Variants in THRB observed in about 807,000 individuals in gnomAD.
THRB encodes thyroid hormone receptor beta, also known as nuclear receptor subfamily 1 group A member 2.
In THRB, 12 loss-of-function variants were observed where a neutral mutation model predicts 47.8. That is an observed-to-expected ratio of 0.25 (90% CI 0.16 to 0.41). The LOEUF (loss-of-function observed/expected upper bound fraction) is 0.41, where lower values mean the gene tolerates loss of function less well. Among genes scored for constraint, THRB ranks in the 10% least tolerant of loss-of-function variants. The pLI is 1.00. For synonymous variants in THRB, 218 were observed against 212.2 expected (o/e 1.03, Z -0.24); for missense variants, 348 against 589.2 (o/e 0.59, Z 4.24).
At chr3:24,400,912 G>A (rs1326143334) in intron 1 of THRB, among the ~76,000 whole-genome samples, 3 of 151,942 alleles carry the variant, frequency 2.0e-5, no homozygotes, top group Admixed American at 6.6e-5. Context: ...GTAGTAATAA[G>A]AAAAAACAAA....
intron 1 of THRB, among the ~76,000 whole-genome samples, chr3:24,470,679 C>T (rs968968766): frequency 3.3e-5 from 5 of 152,100 alleles, no homozygotes; most frequent in African/African-American, 4.8e-5. Context: ...TGCAATGGTG[C>T]GATCTCGGCT....
At chr3:24,280,016 C>T (rs138734643) in intron 3 of THRB, among the ~76,000 whole-genome samples, 20 of 152,192 alleles carry the variant, frequency 1.3e-4, no homozygotes, top group Non-Finnish European at 2.2e-4. Flanking sequence ...TAGGGTCCAG[C>T]GCACAAAAAT....
intron 5 of THRB, among the ~76,000 whole-genome samples, chr3:24,183,368 C>CTTTTTTTTTTTTTTTTTTTTCT (rs1193344905): frequency 1.2e-5 from 1 of 84,272 alleles, no homozygotes; most frequent in African/African-American, 4.1e-5. Context: ...TTTTTCTTTT[C>CTTTTTTTTTTTTTTTTTTTTCT]TTTTTTTTTT....
intron 3 of THRB, among the ~76,000 whole-genome samples, chr3:24,253,127 G>A (rs1183368766): frequency 1.3e-5 from 2 of 152,102 alleles, no homozygotes; most frequent in South Asian, 2.1e-4. Context: ...GATAATGTAC[G>A]TTTTACAAAA....
At position 24,205,456 on chromosome 3, in the gene THRB, A is replaced by AT. The variant is rs1196770432; in HGVS notation, c.23-15123dup. 1.5e-4 allele frequency among the ~76,000 whole-genome samples: 23 copies of AT among 152,332 alleles called. No individual in the cohort carries two copies. In the Middle Eastern group the frequency reaches 0.01, roughly 68 times the overall value. Reference sequence around the variant, plus strand: ...TTTACAGAGAAGCAAATGCTGAGAGATTTTGTCACCACCAGGCCTGCCCTA... The same window carrying AT: ...TTTACAGAGAAGCAAATGCTGAGAGATTTTTGTCACCACCAGGCCTGCCCTA... On this transcript the variant is annotated intron_variant, in intron 4 of 10. Transcript: ENST00000646209.
At chr3:24,278,461 T>C (rs996196741) in intron 3 of THRB, among the ~76,000 whole-genome samples, 1 of 152,240 alleles carries the variant, frequency 6.6e-6, no homozygotes, top group Non-Finnish European at 1.5e-5. Flanking sequence ...ATTTGACCTC[T>C]AGAGCTCTGC....
At chr3:24,197,423 A>T (rs1382651715) in intron 4 of THRB, among the ~76,000 whole-genome samples, 1 of 152,168 alleles carries the variant, frequency 6.6e-6, no homozygotes, top group African/African-American at 2.4e-5. Flanking sequence ...TACCTCTTTG[A>T]ATCTCTCTCC....
chr3:24,171,392 C>T (rs758051968), intron 5 of THRB, among the ~76,000 whole-genome samples: 7 of 152,174 alleles, frequency 4.6e-5, no homozygotes, highest in Non-Finnish European at 7.4e-5. Flanking sequence ...GCAGCCCTCC[C>T]TCCAGACGCT....
At chr3:24,259,464 G>C (rs1292981444) in intron 3 of THRB, among the ~76,000 whole-genome samples, 1 of 152,174 alleles carries the variant, frequency 6.6e-6, no homozygotes, top group Admixed American at 6.5e-5. Flanking sequence ...TGTGTATGCT[G>C]CTTTGACGAG....
chr3:24,441,386 C>T (rs975596421), intron 1 of THRB, among the ~76,000 whole-genome samples: 2 of 152,144 alleles, frequency 1.3e-5, no homozygotes, highest in Non-Finnish European at 1.5e-5. Context: ...AAGGACTTAA[C>T]GTGGCTGAGG....
chr3:24,279,962 G>T (rs533541006), intron 3 of THRB, among the ~76,000 whole-genome samples: 1 of 152,244 alleles, frequency 6.6e-6, no homozygotes, highest in South Asian at 2.1e-4. Flanking sequence ...ACATTTAAAA[G>T]AATTATTCTG....
At chr3:24,477,581 TG>T (rs1362139153) in intron 1 of THRB, among the ~76,000 whole-genome samples, 12 of 152,166 alleles carry the variant, frequency 7.9e-5, no homozygotes, top group Admixed American at 7.9e-4. Flanking sequence ...AACGAGGATA[TG>T]GAAGTCAGTC....
At chr3:24,186,995 A>G (rs921889645) in intron 5 of THRB, among the ~76,000 whole-genome samples, 12 of 152,046 alleles carry the variant, frequency 7.9e-5, no homozygotes, top group South Asian at 2.1e-4. Flanking sequence ...ATGAAAAACA[A>G]AACCTTAGAT....
At chr3:24,209,231 T>C (rs1211596662) in intron 4 of THRB, among the ~76,000 whole-genome samples, 1 of 152,232 alleles carries the variant, frequency 6.6e-6, no homozygotes, top group Non-Finnish European at 1.5e-5. Context: ...TTTTACAGTG[T>C]TGGTGGGACT....
intron 1 of THRB, 89 bp from the exon 2 acceptor site, chr3:24,337,460 A>G (rs1435958259): frequency 6.6e-6 from 1 of 152,202 alleles, no homozygotes; most frequent in Non-Finnish European, 1.5e-5. Flanking sequence ...TCTTATTTCT[A>G]TGTTTAAATA....
intron 1 of THRB, among the ~76,000 whole-genome samples, chr3:24,439,320 G>A (rs1243262921): frequency 6.6e-6 from 1 of 152,116 alleles, no homozygotes; most frequent in Non-Finnish European, 1.5e-5. Flanking sequence ...CCTGGGTGGG[G>A]CACTAACAGC....
At chr3:24,165,988 C>A (rs1193585792) in intron 5 of THRB, among the ~76,000 whole-genome samples, 2 of 152,114 alleles carry the variant, frequency 1.3e-5, no homozygotes, top group African/African-American at 4.8e-5. Flanking sequence ...TCTAGCTGTG[C>A]AAATATTGGT....
chr3:24,179,802 C>T (rs1013376033), intron 5 of THRB, among the ~76,000 whole-genome samples: 3 of 152,032 alleles, frequency 2.0e-5, no homozygotes, highest in Non-Finnish European at 4.4e-5. Context: ...TAGTGATCAC[C>T]AGGCTTATAT....
chr3:24,486,010 C>T (rs966671551), intron 1 of THRB, among the ~76,000 whole-genome samples: 6 of 152,100 alleles, frequency 3.9e-5, no homozygotes, highest in Non-Finnish European at 7.4e-5. Flanking sequence ...CCACACATTT[C>T]CCACTCCACG....
Sources: gnomAD v4.1 joint callset for allele counts (sites outside exome capture counted in the v4.1 genomes callset) on GRCh38, gnomAD v4.1.1 for gene constraint, MANE v1.5 for transcripts, NCBI Gene and HGNC (gene_info 2026-07-23, HGNC 2026-07-21) for gene names.